Variants in SGCZ observed in about 807,000 individuals in gnomAD.
The protein encoded by SGCZ is zeta-sarcoglycan.
A neutral mutation model predicts 41.3 loss-of-function variants in SGCZ; 40 were observed. That is an observed-to-expected ratio of 0.97 (90% CI 0.75 to 1.26). The LOEUF (loss-of-function observed/expected upper bound fraction) is 1.26. Ranked by LOEUF, SGCZ falls within the 50% of genes most tolerant of loss-of-function variation. The pLI, the probability that SGCZ is intolerant of heterozygous loss-of-function variation, is 0.00. For missense variants in SGCZ, 552 were observed against 369.8 expected (o/e 1.49, Z -4.04); for synonymous variants, 206 against 137.5 (o/e 1.50, Z -3.49).
chr8:14,192,873 A>T (rs1041764499), intron 4 of SGCZ, among the ~76,000 whole-genome samples: 3 of 152,084 alleles, frequency 2.0e-5, no homozygotes, highest in African/African-American at 7.2e-5. Flanking sequence ...TAATCAGTGC[A>T]GTATTTCTTG....
At chr8:14,796,926 C>T (rs566189120) in intron 1 of SGCZ, among the ~76,000 whole-genome samples, 72 of 152,284 alleles carry the variant, frequency 4.7e-4, no homozygotes, top group African/African-American at 1.6e-3. Context: ...TTTCCTGCCA[C>T]CCGATGAAGA....
chr8:14,295,867 G>T (rs1800993850), intron 3 of SGCZ, among the ~76,000 whole-genome samples: 1 of 152,270 alleles, frequency 6.6e-6, no homozygotes, highest in East Asian at 1.9e-4. Context: ...ACTGCACAGA[G>T]AAAGAGCCTC....
rs572736031 is a variant in SGCZ at position 14,139,332 on chromosome 8, A to G, written c.547+25248T>C. The stretch of plus-strand genomic sequence containing the variant: ...TTCCAAAGCTAGCAGAAGGCAAGAA[A>G]TAACTAAGATCAGAGCAGAGCTGAA... On this transcript the variant is annotated intron_variant, in intron 5 of 7. Transcript: ENST00000382080. 3.3e-4 allele frequency among the ~76,000 whole-genome samples: 51 copies of G among 152,326 alleles called. 1 individual carries two copies. The South Asian group carries it at 8.1e-3, about 24-fold the overall frequency.
At chr8:14,133,527 A>G (rs1377776151) in intron 5 of SGCZ, among the ~76,000 whole-genome samples, 2 of 152,172 alleles carry the variant, frequency 1.3e-5, no homozygotes, top group Admixed American at 6.5e-5. Context: ...CTTCCTCTGG[A>G]ACCAGGGGCC....
At chr8:15,222,378 A>G (rs1428979526) in intron 1 of SGCZ, among the ~76,000 whole-genome samples, 1 of 152,150 alleles carries the variant, frequency 6.6e-6, no homozygotes, top group Non-Finnish European at 1.5e-5. Context: ...AGAGTCCAGC[A>G]TTAATGACAA....
intron 1 of SGCZ, among the ~76,000 whole-genome samples, chr8:14,977,898 C>T (rs1459353314): frequency 6.6e-6 from 1 of 151,066 alleles, no homozygotes. Flanking sequence ...CACACACACA[C>T]ACACACACAC....
intron 1 of SGCZ, among the ~76,000 whole-genome samples, chr8:14,923,735 T>G (rs566119768): frequency 6.6e-6 from 1 of 152,330 alleles, no homozygotes; most frequent in East Asian, 1.9e-4. Context: ...GCCGTATGCT[T>G]AGAGGCTATT....
chr8:14,114,173 A>C (rs558120123), intron 5 of SGCZ, among the ~76,000 whole-genome samples: 1 of 152,162 alleles, frequency 6.6e-6, no homozygotes, highest in South Asian at 2.1e-4. Context: ...TCTGCTACAT[A>C]GTTAAGGATC....
At chr8:14,272,194 G>C (rs1800089347) in intron 3 of SGCZ, among the ~76,000 whole-genome samples, 1 of 152,148 alleles carries the variant, frequency 6.6e-6, no homozygotes, top group South Asian at 2.1e-4. Context: ...TGTAGAGACA[G>C]TGTTTTACCA....
chr8:14,292,833 G>A (rs564938178), intron 3 of SGCZ, among the ~76,000 whole-genome samples: 2 of 142,914 alleles, frequency 1.4e-5, no homozygotes, highest in African/African-American at 2.6e-5. Context: ...AATGCATTAT[G>A]TTACATAGAG....
At chr8:14,848,632 T>A (rs763937890) in intron 1 of SGCZ, among the ~76,000 whole-genome samples, 2 of 152,234 alleles carry the variant, frequency 1.3e-5, no homozygotes, top group Non-Finnish European at 2.9e-5. Flanking sequence ...GTGTTGGGAC[T>A]ACTGGATAAC....
chr8:14,197,945 A>C (rs1486021319), intron 4 of SGCZ, among the ~76,000 whole-genome samples: 2 of 152,184 alleles, frequency 1.3e-5, no homozygotes, highest in African/African-American at 2.4e-5. Context: ...ATGTTATTTT[A>C]GCAAGTTTGC....
At chr8:14,990,634 G>A (rs1277580624) in intron 1 of SGCZ, among the ~76,000 whole-genome samples, 1 of 151,980 alleles carries the variant, frequency 6.6e-6, no homozygotes. Flanking sequence ...CGAGATCATG[G>A]CTCTCACTGA....
chr8:14,309,243 TGTACAA>T (rs1434943178), intron 3 of SGCZ: 62 of 1,525,206 alleles, frequency 4.1e-5, no homozygotes, highest in Non-Finnish European at 5.2e-5. Flanking sequence ...TTCTGGGCTC[TGTACAA>T]CCATATCCAG....
At chr8:14,326,813 C>A (rs1563259267) in intron 2 of SGCZ, among the ~76,000 whole-genome samples, 1 of 152,030 alleles carries the variant, frequency 6.6e-6, no homozygotes, top group African/African-American at 2.4e-5. Context: ...TAAAAAGTGG[C>A]TCAGATTTAG....
At chr8:14,905,506 C>T (rs1448124062) in intron 1 of SGCZ, among the ~76,000 whole-genome samples, 2 of 151,948 alleles carry the variant, frequency 1.3e-5, no homozygotes, top group South Asian at 2.1e-4. Flanking sequence ...CAATGTGGAC[C>T]GCCATCTCCA....
At chr8:14,963,395 G>A (rs1009921852) in intron 1 of SGCZ, among the ~76,000 whole-genome samples, 11 of 151,266 alleles carry the variant, frequency 7.3e-5, no homozygotes, top group African/African-American at 2.4e-4. Flanking sequence ...CTGGAGTCCA[G>A]CGGCACAATC....
At chr8:15,043,414 G>A (rs1012891317) in intron 1 of SGCZ, among the ~76,000 whole-genome samples, 12 of 151,994 alleles carry the variant, frequency 7.9e-5, no homozygotes, top group African/African-American at 2.9e-4. Flanking sequence ...CATTTTAGAT[G>A]GCCCATCAAA....
chr8:14,900,246 A>G (rs1447220447), intron 1 of SGCZ, among the ~76,000 whole-genome samples: 1 of 152,214 alleles, frequency 6.6e-6, no homozygotes, highest in Non-Finnish European at 1.5e-5. Flanking sequence ...AATACTGAGC[A>G]TATCTTTAAG....
Sources: gnomAD v4.1 joint callset for allele counts (sites outside exome capture counted in the v4.1 genomes callset) on GRCh38, gnomAD v4.1.1 for gene constraint, MANE v1.5 for transcripts, NCBI Gene and HGNC (gene_info 2026-07-23, HGNC 2026-07-21) for gene names.